Variants in ANK2 observed in about 807,000 individuals in gnomAD.
ANK2 encodes ankyrin 2.
Under a neutral mutation model 360.5 loss-of-function variants are expected in ANK2, and 83 were observed. The observed-to-expected ratio is 0.23, with a 90% CI of 0.19 to 0.28. ANK2 has a LOEUF of 0.28. Ranked by LOEUF, ANK2 falls within the 10% of genes least tolerant of loss-of-function variation. ANK2 has a pLI of 1.00. For missense variants in ANK2, 4,201 were observed against 4,795.7 expected (o/e 0.88, Z 3.66); for synonymous variants, 1,740 against 1,759.5 (o/e 0.99, Z 0.28).
At chr4:112,917,810 T>C (rs1202723413) in intron 2 of ANK2, among the ~76,000 whole-genome samples, 1 of 152,224 alleles carries the variant, frequency 6.6e-6, no homozygotes, top group Non-Finnish European at 1.5e-5. Flanking sequence ...TTGTGCCAAA[T>C]TAATTTGGTG....
At chr4:112,850,292 C>G (rs923500328) in intron 1 of ANK2, among the ~76,000 whole-genome samples, 1 of 136,920 alleles carries the variant, frequency 7.3e-6, no homozygotes, top group African/African-American at 2.9e-5. Flanking sequence ...ATCTATCTAT[C>G]TATCTATCTA....
chr4:113,111,238 A>G (rs193183964), intron 1 of ANK2, among the ~76,000 whole-genome samples: 19 of 152,320 alleles, frequency 1.2e-4, no homozygotes, highest in African/African-American at 2.6e-4. Context: ...AAAATATTCT[A>G]TCAAAGGTTT....
chr4:113,071,223 G>A (rs1000179396), intron 1 of ANK2, among the ~76,000 whole-genome samples: 4 of 152,110 alleles, frequency 2.6e-5, no homozygotes, highest in Admixed American at 2.0e-4. Context: ...GTTTAGACCC[G>A]ATGCCTTTTC....
At chr4:112,715,457 A>G in the ANK2 span, among the ~76,000 whole-genome samples, 1 of 152,214 alleles carries the variant, frequency 6.6e-6, no homozygotes, top group Non-Finnish European at 1.5e-5. Flanking sequence ...TCTACCACAG[A>G]GTGAGAACTA....
chr4:112,773,453 G>A, the ANK2 span, among the ~76,000 whole-genome samples: 1 of 152,124 alleles, frequency 6.6e-6, no homozygotes, highest in Non-Finnish European at 1.5e-5. Context: ...TAGCATTGAA[G>A]ATACAAAACA....
intron 1 of ANK2, among the ~76,000 whole-genome samples, chr4:112,832,704 A>C (rs1056846192): frequency 2.0e-5 from 3 of 152,240 alleles, no homozygotes; most frequent in Admixed American, 2.0e-4. Context: ...AAAATTTCAC[A>C]CAGAGAATAA....
upstream of ANK2, among the ~76,000 whole-genome samples, chr4:113,048,289 T>A (rs1349351731): frequency 1.5e-3 from 176 of 115,282 alleles, no homozygotes; most frequent in Non-Finnish European, 2.0e-3. Flanking sequence ...TTTTTTTTTT[T>A]TTTTTTTTTT....
chr4:112,806,111 T>C, the ANK2 span, among the ~76,000 whole-genome samples: 1 of 152,194 alleles, frequency 6.6e-6, no homozygotes, highest in Non-Finnish European at 1.5e-5. Context: ...CATAAATTAT[T>C]GTTGATTATA....
At chr4:112,946,050 C>T (rs892341593) in intron 2 of ANK2, among the ~76,000 whole-genome samples, 1 of 152,172 alleles carries the variant, frequency 6.6e-6, no homozygotes, top group Non-Finnish European at 1.5e-5. Flanking sequence ...TAATCATGCT[C>T]ATAATCTTAG....
the ANK2 span, among the ~76,000 whole-genome samples, chr4:112,722,231 C>T: frequency 6.6e-6 from 1 of 152,146 alleles, no homozygotes. Flanking sequence ...CCTCTAGCCC[C>T]CAAAGCATAC....
intron 22 of ANK2, among the ~76,000 whole-genome samples, chr4:113,297,486 ATTATAC>A (rs1276699760): frequency 6.6e-6 from 1 of 152,168 alleles, no homozygotes; most frequent in Non-Finnish European, 1.5e-5. Flanking sequence ...TGATTTGATC[ATTATAC>A]TTATGTTTAT....
At chr4:113,328,096 T>C (rs1465307794) in intron 26 of ANK2, among the ~76,000 whole-genome samples, 1 of 152,140 alleles carries the variant, frequency 6.6e-6, no homozygotes, top group Non-Finnish European at 1.5e-5. Flanking sequence ...GGAATAAATG[T>C]AGTGGAGAGG....
chr4:113,254,515 C>T (rs1182496359), intron 10 of ANK2, among the ~76,000 whole-genome samples: 2 of 152,204 alleles, frequency 1.3e-5, no homozygotes, highest in Non-Finnish European at 2.9e-5. Flanking sequence ...CCTTGAATTT[C>T]TTCTACACTT....
chr4:112,842,441 GT>G (rs1400254597), intron 1 of ANK2, among the ~76,000 whole-genome samples: 1 of 152,178 alleles, frequency 6.6e-6, no homozygotes, highest in African/African-American at 2.4e-5. Context: ...CCTTAATCCA[GT>G]GGTCCCCAAC....
At chr4:112,958,418 C>G (rs937286931) in intron 2 of ANK2, among the ~76,000 whole-genome samples, 1 of 152,192 alleles carries the variant, frequency 6.6e-6, no homozygotes, top group Non-Finnish European at 1.5e-5. Context: ...ACAGCGAAAC[C>G]CCATCTCCAC....
Position 113,342,033 on chromosome 4 carries a change from G to A in ANK2, c.4122+117G>A, listed in dbSNP as rs75256559. 3.0e-3 allele frequency: 3,478 copies of A among 1,143,088 alleles called. 79 individuals are homozygous for A. The African/African-American group carries it at 0.041, about 14-fold the overall frequency. 70.8% of individuals were successfully genotyped at this position (1,143,088 alleles called of 1,614,324 possible). ...TAATTAAAAAGTGAAAGACAAGTTC[G>A]CATTTTGGTCAGTTAGAAGGTCAAC... On this transcript the variant is annotated intron_variant, in intron 33 of 45. Transcript: ENST00000357077.
chr4:113,317,310 T>C (rs1250968913), intron 24 of ANK2: 4 of 251,974 alleles, frequency 1.6e-5, no homozygotes, highest in Non-Finnish European at 3.2e-5. Flanking sequence ...CTTTCCTCCT[T>C]ATATTTTTCT....
At chr4:113,024,992 G>A (rs535511390) in intron 2 of ANK2, among the ~76,000 whole-genome samples, 3 of 151,728 alleles carry the variant, frequency 2.0e-5, no homozygotes, top group African/African-American at 7.3e-5. Flanking sequence ...CTTTTTGTAG[G>A]ATACCATTGA....
At chr4:113,213,147 T>C (rs550908984) in intron 4 of ANK2, among the ~76,000 whole-genome samples, 15 of 152,362 alleles carry the variant, frequency 9.8e-5, no homozygotes, top group Admixed American at 7.8e-4. Context: ...AAATGTGTTT[T>C]AACCAAATAT....
Sources: gnomAD v4.1 joint callset for allele counts (sites outside exome capture counted in the v4.1 genomes callset) on GRCh38, gnomAD v4.1.1 for gene constraint, MANE v1.5 for transcripts, NCBI Gene and HGNC (gene_info 2026-07-23, HGNC 2026-07-21) for gene names.